Variants in PCDHGB2 observed in about 807,000 individuals in gnomAD.
The protein encoded by PCDHGB2 is protocadherin gamma subfamily B, 2, also known as protocadherin gamma-B2.
A neutral mutation model predicts 59.3 loss-of-function variants in PCDHGB2; 55 were observed. That is an observed-to-expected ratio of 0.93 (90% confidence interval 0.75 to 1.16). PCDHGB2 has a LOEUF of 1.16. PCDHGB2 is among the 50% of genes most tolerant of loss of function. The probability of loss-of-function intolerance (pLI) is 0.00; values close to 1 mark genes in which losing one functional copy is unlikely to be tolerated. For synonymous variants in PCDHGB2, 516 were observed against 512.0 expected (o/e 1.01, Z -0.11); for missense variants, 1,228 against 1,198.5 (o/e 1.02, Z -0.36).
Position 141,432,683 on chromosome 5 carries a change from C to T in PCDHGB2, c.2422-62124C>T, listed in dbSNP as rs138402830. The T allele has an allele frequency of 4.8e-5, 78 of 1,613,968 alleles. No individual in the cohort carries two copies. In the African/African-American group the frequency reaches 9.5e-4, roughly 20 times the overall value. On this transcript the variant is annotated intron_variant, in intron 1 of 3. Transcript: ENST00000522605. The surrounding 1 kb of genome is among the most constrained non-coding windows in gnomAD (Gnocchi z 6.0). ...GGACAGAGACGCGCTCAAGCAGAGC[C>T]TCGTAGTGGCCGTCCAGGACCACGG...
rs1332743231 is a variant in PCDHGB2 at position 141,432,967 on chromosome 5, G to A, written c.2422-61840G>A. 4 of 1,614,192 alleles carry A rather than the reference G, an allele frequency of 2.5e-6. No homozygotes were observed. In the East Asian group the frequency reaches 6.7e-5, roughly 27 times the overall value. On this transcript the variant is annotated intron_variant, in intron 1 of 3. Coordinates refer to ENST00000522605, the MANE Select transcript of PCDHGB2 (RefSeq NM_018923.3). The surrounding 1 kb of genome is among the most constrained non-coding windows in gnomAD (Gnocchi z 6.0). The stretch of plus-strand genomic sequence containing the variant: ...CAGGAGGCGGCTTGACAGGAGCGCC[G>A]GCGTCGCACTTTGTGGGCGTGGACG...
intron 1 of PCDHGB2, chr5:141,395,398 T>C (rs976008795): frequency 1.2e-6 from 1 of 863,780 alleles, no homozygotes; most frequent in East Asian, 2.8e-5. Context: ...TGAACTCTAA[T>C]AGTCATAGGT....
intron 2 of PCDHGB2, among the ~76,000 whole-genome samples, chr5:141,501,821 G>A (rs910825533): frequency 1.3e-5 from 2 of 152,028 alleles, no homozygotes; most frequent in Non-Finnish European, 2.9e-5. Context: ...ATAATTGGCA[G>A]CCCACCCACC....
At chr5:141,370,488 C>A (rs758506114) in intron 1 of PCDHGB2, 2 of 1,613,906 alleles carry the variant, frequency 1.2e-6, no homozygotes, top group Admixed American at 3.3e-5. Flanking sequence ...TCTCTCCGAA[C>A]CGATCCGCTA....
intron 1 of PCDHGB2, among the ~76,000 whole-genome samples, chr5:141,461,001 A>C (rs1309762345): frequency 6.7e-6 from 1 of 150,320 alleles, no homozygotes; most frequent in Admixed American, 6.7e-5. Context: ...ATATATGTGT[A>C]TATATATATA....
At chr5:141,375,611 G>C (rs1049659012) in intron 1 of PCDHGB2, 3 of 1,614,060 alleles carry the variant, frequency 1.9e-6, no homozygotes, top group African/African-American at 1.3e-5. Context: ...CATCAACTCC[G>C]ACACTGGGAT....
rs1369956811 is a variant in PCDHGB2, at chr5:141,460,759, A to G, written c.2422-34048A>G. Among the ~76,000 whole-genome samples, 3 of 152,088 alleles carry G rather than the reference A, an allele frequency of 2.0e-5. No individual in the cohort carries two copies. In the East Asian group the frequency reaches 5.8e-4, roughly 29 times the overall value. On this transcript the variant is annotated intron_variant, in intron 1 of 3. Coordinates refer to ENST00000522605, the MANE Select transcript of PCDHGB2 (RefSeq NM_018923.3). ...ATTGTATATATATGTGTACATATAC[A>G]TATTGCATATGTATGTATACATATA...
chr5:141,482,661 T>G (rs1215403061), intron 1 of PCDHGB2, among the ~76,000 whole-genome samples: 1 of 151,742 alleles, frequency 6.6e-6, no homozygotes, highest in Non-Finnish European at 1.5e-5. Flanking sequence ...TGAGCTATGA[T>G]CTAAAGGTTG....
chr5:141,494,792 C>A lies in PCDHGB2; in HGVS notation c.2422-15C>A. The A allele has an allele frequency of 6.2e-7, 1 of 1,614,132 alleles. No individual in the cohort carries two copies. Among genetic ancestry groups the A allele is most frequent in the East Asian group, 2.2e-5 (1 of 44,878 alleles). Reference sequence around the variant, plus strand: ...TCACGGGTACTCAGCCCCTTTCCCTCTGTTTTCTCCACAGCAAGCCCCGCC... The same window carrying A: ...TCACGGGTACTCAGCCCCTTTCCCTATGTTTTCTCCACAGCAAGCCCCGCC... On this transcript the variant is annotated splice_polypyrimidine_tract_variant and intron_variant, in intron 1 of 3. Transcript: ENST00000522605.
Position 141,487,535 on chromosome 5 carries a change from G to A in PCDHGB2, c.2422-7272G>A. 6.2e-7 allele frequency: 1 copy of A among 1,614,154 alleles called. No individual in the cohort carries two copies. Among genetic ancestry groups the A allele is most frequent in the South Asian group, 1.1e-5 (1 of 91,084 alleles). ...CACTCGGAGTGATAGCTTCATGATG[G>A]TGAAGTCACCCAGTGCACCTATGGC... On this transcript the variant is annotated intron_variant, in intron 1 of 3. Transcript: ENST00000522605. This position sits in a 1 kb window ranked among gnomAD's most constrained non-coding sequence, Gnocchi z 5.0.
At chr5:141,371,652 G>A (rs1158442459) in intron 1 of PCDHGB2, 1 of 1,614,048 alleles carries the variant, frequency 6.2e-7, no homozygotes, top group East Asian at 2.2e-5. Flanking sequence ...AGAATACAAT[G>A]TGACGATCAC....
intron 1 of PCDHGB2, chr5:141,427,752 G>A (rs1171502843): frequency 4.5e-6 from 6 of 1,319,552 alleles, no homozygotes; most frequent in South Asian, 1.2e-5. Context: ...CTACTCCATC[G>A]TTACCACTGA....
At chr5:141,464,156 T>C (rs2099077051) in intron 1 of PCDHGB2, among the ~76,000 whole-genome samples, 2 of 151,752 alleles carry the variant, frequency 1.3e-5, no homozygotes, top group Non-Finnish European at 1.5e-5. Context: ...TCCCAGCTAC[T>C]TGGAAGGCTG....
At position 141,432,203 on chromosome 5, in the gene PCDHGB2, G is replaced by A. The variant is rs1282888078; in HGVS notation, c.2422-62604G>A. The A allele has an allele frequency of 3.1e-6, 5 of 1,614,062 alleles. No homozygotes were observed. The highest frequency in any genetic ancestry group is 1.3e-5 in the African/African-American group (1 of 74,920). ...TGTGACCGCCCACGACCCCGACTGT[G>A]AAGAGAACGCCCAGATCACTTATTC... On this transcript the variant is annotated intron_variant, in intron 1 of 3. Transcript: ENST00000522605. The surrounding 1 kb of genome is among the most constrained non-coding windows in gnomAD (Gnocchi z 6.0).
rs1385557537 is a variant in PCDHGB2 at position 141,415,739 on chromosome 5, GGTT to G, written c.2421+53184_2421+53186del. 2.0e-4 allele frequency: 88 copies of G among 435,112 alleles called. 2 individuals are homozygous for G. In the African/African-American group the frequency reaches 2.4e-3, roughly 12 times the overall value. 27.0% of individuals were successfully genotyped at this position (435,112 alleles called of 1,614,324 possible). A position where few individuals can be genotyped will look rare whatever the true frequency, so the allele number is the denominator to read the frequency against. On this transcript the variant is annotated intron_variant, in intron 1 of 3. Coordinates refer to ENST00000522605, the MANE Select transcript of PCDHGB2 (RefSeq NM_018923.3). ...ATGAGTAGAATTTGATGTTTATTAA[GGTT>G]TTTTTTTTTTTTTTTTTTTTTTTTT...
chr5:141,494,898 T>C, intron 2 of PCDHGB2, 33 bp downstream of exon 2: 1 of 1,614,074 alleles, frequency 6.2e-7, no homozygotes, highest in Non-Finnish European at 8.5e-7. Flanking sequence ...CACCCTCTTC[T>C]CTGCGGCATT....
chr5:141,501,636 C>T (rs2099810310), intron 2 of PCDHGB2, among the ~76,000 whole-genome samples: 1 of 152,130 alleles, frequency 6.6e-6, no homozygotes, highest in South Asian at 2.1e-4. Flanking sequence ...CTCAACCTCT[C>T]TGAGCCCTGT....
At chr5:141,456,599 A>T (rs2098870253) in intron 1 of PCDHGB2, among the ~76,000 whole-genome samples, 1 of 152,174 alleles carries the variant, frequency 6.6e-6, no homozygotes, top group African/African-American at 2.4e-5. Flanking sequence ...TTTTGATTTG[A>T]TTTTTAAGTC....
chr5:141,404,157 A>G (rs746450194), intron 1 of PCDHGB2: 12 of 1,613,094 alleles, frequency 7.4e-6, no homozygotes, highest in Non-Finnish European at 5.9e-6. Flanking sequence ...GAAGATTATT[A>G]CAGATTGTTG....
Sources: allele counts gnomAD v4.1 joint callset (sites outside exome capture counted in the v4.1 genomes callset), GRCh38; gene constraint gnomAD v4.1.1; non-coding constraint Gnocchi (gnomAD v3.1); transcripts MANE v1.5; gene names NCBI Gene and HGNC (gene_info 2026-07-23, HGNC 2026-07-21).